SLC22A8: variants seen among roughly 807,000 people sequenced by gnomAD.
SLC22A8 encodes the protein organic anion transporter 3.
A neutral mutation model predicts 48.4 loss-of-function variants in SLC22A8; 40 were observed. The ratio of observed to expected loss-of-function variants is 0.83; its 90% CI spans 0.64 to 1.08. SLC22A8 has a LOEUF of 1.08. Among genes scored for constraint, SLC22A8 ranks in the 50% least tolerant of loss-of-function variants. The pLI is 0.00. For synonymous variants in SLC22A8, 268 were observed against 286.3 expected (o/e 0.94, Z 0.65); for missense variants, 606 against 699.0 (o/e 0.87, Z 1.50).
At position 62,993,191 on chromosome 11, in the gene SLC22A8, G is replaced by T. The variant is rs752266970; in HGVS notation, c.*46C>A. ...CCTCCCTATACTCCTAAGGTGCCTG[G>T]CTAGGATCAGTCTCTGGAGGGCAGG... On this transcript the variant is annotated 3_prime_UTR_variant, in exon 11 of 11. Coordinates refer to ENST00000336232, the MANE Select transcript of SLC22A8 (RefSeq NM_004254.4). The T allele has an allele frequency of 3.4e-6, 5 of 1,477,568 alleles. No homozygotes were observed. Among genetic ancestry groups the T allele is most frequent in the Non-Finnish European group, 4.7e-6 (5 of 1,068,170 alleles). The allele number at this position is 1,477,568 out of a possible 1,614,324, so 91.5% of individuals were successfully genotyped here.
intron 2 of SLC22A8, among the ~76,000 whole-genome samples, chr11:63,013,539 C>T (rs773516214): frequency 1.4e-4 from 21 of 152,318 alleles, no homozygotes; most frequent in Non-Finnish European, 1.8e-4. Context: ...CAGACGCCAC[C>T]TCCTCCATGA....
intron 2 of SLC22A8, among the ~76,000 whole-genome samples, chr11:63,001,649 C>T (rs1418751214): frequency 6.6e-6 from 1 of 152,206 alleles, no homozygotes; most frequent in Non-Finnish European, 1.5e-5. Flanking sequence ...TTTCCCAGGG[C>T]TCTTCCTGAA....
chr11:62,999,650 C>A, intron 4 of SLC22A8, 38 bp downstream of exon 4: 2 of 1,441,672 alleles, frequency 1.4e-6, no homozygotes, highest in Non-Finnish European at 1.8e-6. Flanking sequence ...CTGGATGGTG[C>A]TCCCCAAAGC....
chr11:63,003,333 G>A (rs2086519540), intron 2 of SLC22A8, among the ~76,000 whole-genome samples: 1 of 152,240 alleles, frequency 6.6e-6, no homozygotes, highest in Non-Finnish European at 1.5e-5. Context: ...TCAGTTGGAA[G>A]TGAGGGAGAA....
At chr11:63,001,174 G>A (rs866316622) in intron 2 of SLC22A8, among the ~76,000 whole-genome samples, 3 of 151,898 alleles carry the variant, frequency 2.0e-5, no homozygotes, top group African/African-American at 4.8e-5. Context: ...GTCCCTCTGC[G>A]TACCCCCTTG....
chr11:63,002,877 A>G (rs1002470813), intron 2 of SLC22A8, among the ~76,000 whole-genome samples: 1 of 152,200 alleles, frequency 6.6e-6, no homozygotes, highest in African/African-American at 2.4e-5. Context: ...TAACCTTATT[A>G]TGTAGGTGCT....
At chr11:62,995,112 G>A (rs1207476069) in intron 7 of SLC22A8, 4 of 362,680 alleles carry the variant, frequency 1.1e-5, no homozygotes, top group Admixed American at 7.7e-5. Context: ...GGCGAGGTGA[G>A]CATTGAGCTG....
intron 2 of SLC22A8, among the ~76,000 whole-genome samples, chr11:63,006,545 GC>G (rs2086556230): frequency 7.0e-6 from 1 of 143,228 alleles, no homozygotes; most frequent in African/African-American, 2.6e-5. Flanking sequence ...TCACTTGTTT[GC>G]TGTCCTGTAT....
chr11:62,998,900 G>A (rs1179041476), intron 5 of SLC22A8, 21 bp downstream of exon 5: 1 of 1,587,654 alleles, frequency 6.3e-7, no homozygotes, highest in African/African-American at 1.3e-5. Flanking sequence ...GGAAACAGAT[G>A]AAGAGGAGAG....
intron 9 of SLC22A8, 71 bp from the exon 10 acceptor site, chr11:62,993,698 G>C: frequency 6.3e-7 from 1 of 1,597,942 alleles, no homozygotes; most frequent in Non-Finnish European, 8.6e-7. Context: ...CCTGGGTAGA[G>C]GACAGGACAA....
intron 2 of SLC22A8, among the ~76,000 whole-genome samples, chr11:63,001,612 C>T (rs760071147): frequency 3.3e-5 from 5 of 152,212 alleles, no homozygotes; most frequent in Non-Finnish European, 5.9e-5. Context: ...CTTCACAGCT[C>T]GTTTCTCTCT....
chr11:63,014,160 T>A (rs1183277335), intron 2 of SLC22A8, among the ~76,000 whole-genome samples: 1 of 152,176 alleles, frequency 6.6e-6, no homozygotes, highest in East Asian at 1.9e-4. Context: ...TGTTTATATC[T>A]CAGTTCCAGG....
At position 62,993,136 on chromosome 11, in the gene SLC22A8, T is replaced by G; in HGVS notation, c.*101A>C. 1.2e-6 allele frequency: 1 copy of G among 829,744 alleles called. No individual in the cohort carries two copies. Among genetic ancestry groups the G allele is most frequent in the Non-Finnish European group, 1.9e-6 (1 of 528,040 alleles). 51.4% of individuals were successfully genotyped at this position (829,744 alleles called of 1,614,324 possible). ...CACCTTCACCAAGCTCTCAGAAGGC[T>G]TCATCCTAGGAGGATGGACCTATAT... On this transcript the variant is annotated 3_prime_UTR_variant, in exon 11 of 11. Transcript: ENST00000336232.
intron 1 of SLC22A8, 141 bp from the exon 2 acceptor site, chr11:63,015,124 T>C (rs950496834): frequency 1.9e-6 from 1 of 531,274 alleles, no homozygotes; most frequent in Non-Finnish European, 3.2e-6. Flanking sequence ...TGTGTAAAGA[T>C]GTGGAAGCTC....
intron 7 of SLC22A8, 53 bp downstream of exon 7, chr11:62,995,651 C>A (rs745666124): frequency 1.7e-5 from 22 of 1,304,366 alleles, no homozygotes; most frequent in Non-Finnish European, 2.3e-5. Context: ...CTACTGGAGG[C>A]CTTGTCTATC....
intron 2 of SLC22A8, among the ~76,000 whole-genome samples, chr11:63,005,349 A>C (rs371949433): frequency 6.6e-6 from 1 of 152,186 alleles, no homozygotes; most frequent in Admixed American, 6.5e-5. Flanking sequence ...TACTCGTGTT[A>C]TTTCTTTTTA....
At position 62,993,498 on chromosome 11, in the gene SLC22A8, C is replaced by A; in HGVS notation, c.1455G>T (p.Gly485=). 1 of 1,614,176 alleles carries A rather than the reference C, an allele frequency of 6.2e-7. No individual in the cohort carries two copies. Among genetic ancestry groups the A allele is most frequent in the Non-Finnish European group, 8.5e-7 (1 of 1,180,030 alleles). ...NIIYGITALL[G]GSAALFLPET... is the part of the protein sequence containing the mutation. ...CAGGCAGGAAGAGGGCAGCACTGCC[C>A]CCGAGGAGGGCGGTGATCCCGTAGA... The change falls in exon 10 of 11, where the codon GGG becomes GGT. Residue 485 remains glycine, a synonymous_variant. Coordinates refer to ENST00000336232, the MANE Select transcript of SLC22A8 (RefSeq NM_004254.4).
Position 62,995,924 on chromosome 11 carries a change from GA to G in SLC22A8, c.885+104del, listed in dbSNP as rs144963400. The G allele has an allele frequency of 1.2e-3, 1,902 of 1,553,216 alleles. 19 individuals are homozygous for G. The East Asian group carries it at 0.015, about 13-fold the overall frequency. On this transcript the variant is annotated intron_variant, in intron 6 of 10. Coordinates refer to ENST00000336232, the MANE Select transcript of SLC22A8 (RefSeq NM_004254.4). ...GCCTCTAGAGGAGCTCAGGGAATCA[GA>G]TGTGGTATAGGCTGTGAGCCAGGGG...
chr11:62,998,022 G>T (rs2086444001), intron 5 of SLC22A8, among the ~76,000 whole-genome samples: 1 of 152,080 alleles, frequency 6.6e-6, no homozygotes, highest in Admixed American at 6.5e-5. Context: ...CGTGACCTTG[G>T]CTCCCTGCAA....
Sources: allele counts gnomAD v4.1 joint callset (sites outside exome capture counted in the v4.1 genomes callset), GRCh38; gene constraint gnomAD v4.1.1; transcripts MANE v1.5; gene names NCBI Gene and HGNC (gene_info 2026-07-23, HGNC 2026-07-21).